CCL19: variants seen among roughly 807,000 people sequenced by gnomAD.
CCL19 encodes C-C motif chemokine 19.
A neutral mutation model predicts 9.7 loss-of-function variants in CCL19; 5 were observed. The observed-to-expected ratio is 0.51, with a 90% CI of 0.27 to 1.08. The LOEUF (loss-of-function observed/expected upper bound fraction) is 1.08. CCL19 is among the 50% of genes least tolerant of loss of function. CCL19 has a pLI of 0.12. For missense variants in CCL19, 90 were observed against 122.5 expected, an observed-to-expected ratio of 0.73 and a Z score of 1.25; for synonymous variants, 40 against 47.4, an observed-to-expected ratio of 0.84 and a Z score of 0.64.
Position 34,689,844 on chromosome 9 carries a change from AGGAG to A in CCL19, c.277-9_277-6del. The A allele has an allele frequency of 6.2e-7, 1 of 1,614,098 alleles. No homozygotes were observed. The highest frequency in any genetic ancestry group is 8.5e-7 in the Non-Finnish European group (1 of 1,180,008). ...TTAACTGCTGCGGCGCTTCATCTAG[AGGAG>A]GAAGGAGAGGAAGGATCATGGGCTG... On this transcript the variant is annotated splice_polypyrimidine_tract_variant and splice_region_variant and intron_variant, in intron 3 of 3. Coordinates refer to ENST00000311925, the MANE Select transcript of CCL19 (RefSeq NM_006274.3). The surrounding 1 kb of genome is among the most constrained non-coding windows in gnomAD (Gnocchi z 4.1).
At chr9:34,690,518 C>A (rs1396404179) in intron 1 of CCL19, among the ~76,000 whole-genome samples, 176 bp from the exon 2 acceptor site, 3 of 149,824 alleles carry the variant, frequency 2.0e-5, no homozygotes, top group African/African-American at 7.4e-5. Context: ...CATTATGCAC[C>A]AATATGGCTC....
Position 34,689,867 on chromosome 9 carries a change from T to G in CCL19, c.277-28A>C. 1 of 1,614,106 alleles carries G rather than the reference T, an allele frequency of 6.2e-7. No homozygotes were observed. The highest frequency in any genetic ancestry group is 1.1e-5 in the South Asian group (1 of 91,082). ...AGAGGAGGAAGGAGAGGAAGGATCA[T>G]GGGCTGGAATCTTAGACAGGAGCTC... On this transcript the variant is annotated intron_variant, in intron 3 of 3. Transcript: ENST00000311925. This position sits in a 1 kb window ranked among gnomAD's most constrained non-coding sequence, Gnocchi z 4.1.
At position 34,691,214 on chromosome 9, in the gene CCL19, G is replaced by A; in HGVS notation, c.-75C>T. The A allele has an allele frequency of 1.5e-6, 2 of 1,349,620 alleles. No individual in the cohort carries two copies. The highest frequency in any genetic ancestry group is 2.1e-6 in the Non-Finnish European group (2 of 953,618). The allele number at this position is 1,349,620 out of a possible 1,614,324, so 83.6% of individuals were successfully genotyped here. A position where few individuals can be genotyped will look rare whatever the true frequency, so the allele number is the denominator to read the frequency against. On this transcript the variant is annotated 5_prime_UTR_variant, in exon 1 of 4. Transcript: ENST00000311925. Reference sequence around the variant, plus strand: ...CTGGGTGTGTGCAGGATCTGTGTGAGGCTGCAGGGCGACTGGGATGCAGGG... The same window carrying A: ...CTGGGTGTGTGCAGGATCTGTGTGAAGCTGCAGGGCGACTGGGATGCAGGG...
chr9:34,691,245 A>C lies in CCL19; in HGVS notation c.-106T>G, dbSNP rs1821789266. 1 of 924,034 alleles carries C rather than the reference A, an allele frequency of 1.1e-6. No homozygotes were observed. Among genetic ancestry groups the C allele is most frequent in the South Asian group, 1.5e-5 (1 of 64,798 alleles). The allele number at this position is 924,034 out of a possible 1,614,324, so 57.2% of individuals were successfully genotyped here. ...AGGGCGACTGGGATGCAGGGGTGAA[A>C]TGCAAGGTGTGAGTGATGTGAGGCT... On this transcript the variant is annotated 5_prime_UTR_variant, in exon 1 of 4. Coordinates refer to ENST00000311925, the MANE Select transcript of CCL19 (RefSeq NM_006274.3).
In CCL19 at chr9:34,689,880, T is replaced by G; in HGVS notation, c.277-41A>C. ...GAGGAAGGATCATGGGCTGGAATCT[T>G]AGACAGGAGCTCAGAGGGAGGAGAC... On this transcript the variant is annotated intron_variant, in intron 3 of 3. Coordinates refer to ENST00000311925, the MANE Select transcript of CCL19 (RefSeq NM_006274.3). This position sits in a 1 kb window ranked among gnomAD's most constrained non-coding sequence, Gnocchi z 4.1. 6.2e-7 allele frequency: 1 copy of G among 1,614,168 alleles called. No homozygotes were observed. Among genetic ancestry groups the G allele is most frequent in the Non-Finnish European group, 8.5e-7 (1 of 1,180,024 alleles).
chr9:34,689,649 C>G lies in CCL19; in HGVS notation c.*170G>C. The G allele has an allele frequency of 1.4e-6, 1 of 726,128 alleles. No homozygotes were observed. Among genetic ancestry groups the G allele is most frequent in the Non-Finnish European group, 2.4e-6 (1 of 423,794 alleles). 45.0% of individuals were successfully genotyped at this position (726,128 alleles called of 1,614,324 possible). ...CAGCTTTACTCTGACCACACTCACC[C>G]TCTCGCTCACACTCACACTCACACA... On this transcript the variant is annotated 3_prime_UTR_variant, in exon 4 of 4. Coordinates refer to ENST00000311925, the MANE Select transcript of CCL19 (RefSeq NM_006274.3). This position sits in a 1 kb window ranked among gnomAD's most constrained non-coding sequence, Gnocchi z 4.1.
Position 34,690,005 on chromosome 9 carries a change from G to T in CCL19, c.201C>A (p.Gly67=). 2 of 1,614,072 alleles carry T rather than the reference G, an allele frequency of 1.2e-6. No individual in the cohort carries two copies. The highest frequency in any genetic ancestry group is 8.5e-7 in the Non-Finnish European group (1 of 1,179,994). The part of the protein sequence containing the change: ...VPAVVFTTLR[G]RQLCAPPDQP... ...GGTCTGGGGGTGCACAGAGCTGGCG[G>T]CCCCTCAGTGTGGTGAACCTGGGGT... Residue 67 remains glycine, a synonymous_variant, in exon 3 of 4, where the codon GGC becomes GGA. Coordinates refer to ENST00000311925, the MANE Select transcript of CCL19 (RefSeq NM_006274.3).
In CCL19 at chr9:34,689,749, G is replaced by T. The variant is rs989940230; in HGVS notation, c.*70C>A. On this transcript the variant is annotated 3_prime_UTR_variant, in exon 4 of 4. Coordinates refer to ENST00000311925, the MANE Select transcript of CCL19 (RefSeq NM_006274.3). This position sits in a 1 kb window ranked among gnomAD's most constrained non-coding sequence, Gnocchi z 4.1. Reference sequence around the variant, plus strand: ...AGCCTGGTCCTTCCTTCTGGTCCTCGGTTCCCCAGGTTAGGTAATAATTCA... The same window carrying T: ...AGCCTGGTCCTTCCTTCTGGTCCTCTGTTCCCCAGGTTAGGTAATAATTCA... 1.9e-6 allele frequency: 3 copies of T among 1,584,096 alleles called. No homozygotes were observed. The African/African-American group carries it at 4.0e-5, about 21-fold the overall frequency.
intron 1 of CCL19, 82 bp from the exon 2 acceptor site, chr9:34,690,424 C>CTA: frequency 1.6e-6 from 1 of 607,090 alleles, no homozygotes; most frequent in Non-Finnish European, 2.7e-6. Context: ...TTGAGGACAC[C>CTA]TGTGTGTGTG....
chr9:34,690,994 A>T, intron 1 of CCL19, 97 bp downstream of exon 1: 2 of 1,092,092 alleles, frequency 1.8e-6, no homozygotes, highest in South Asian at 3.0e-5. Context: ...TGAACTCACC[A>T]TGTCCCTTAC....
intron 2 of CCL19, 46 bp downstream of exon 2, chr9:34,690,164 G>A: frequency 6.2e-7 from 1 of 1,610,152 alleles, no homozygotes; most frequent in Non-Finnish European, 8.5e-7. Flanking sequence ...AGTCTCAACA[G>A]GGGCTAAAAC....
chr9:34,690,980 T>C, intron 1 of CCL19, 111 bp downstream of exon 1: 7 of 935,036 alleles, frequency 7.5e-6, no homozygotes, highest in Non-Finnish European at 1.1e-5. Flanking sequence ...CCTAAGCATT[T>C]GCCTGAACTC....
Position 34,689,618 on chromosome 9 carries a change from G to A in CCL19, c.*201C>T. The A allele has an allele frequency of 1.7e-6, 1 of 596,810 alleles. No individual in the cohort carries two copies. Among genetic ancestry groups the A allele is most frequent in the Non-Finnish European group, 3.0e-6 (1 of 336,790 alleles). The allele number at this position is 596,810 out of a possible 1,614,324, so 37.0% of individuals were successfully genotyped here. A position where few individuals can be genotyped will look rare whatever the true frequency, so the allele number is the denominator to read the frequency against. Reference sequence around the variant, plus strand: ...TTATTGGTAGCATTGCAATCTGGGGGTGGAGCAGCTTTACTCTGACCACAC... The same window carrying A: ...TTATTGGTAGCATTGCAATCTGGGGATGGAGCAGCTTTACTCTGACCACAC... On this transcript the variant is annotated 3_prime_UTR_variant, in exon 4 of 4. Transcript: ENST00000311925. This position sits in a 1 kb window ranked among gnomAD's most constrained non-coding sequence, Gnocchi z 4.1.
In CCL19 at chr9:34,691,218, G is replaced by T; in HGVS notation, c.-79C>A. ...GTGTGTGCAGGATCTGTGTGAGGCT[G>T]CAGGGCGACTGGGATGCAGGGGTGA... On this transcript the variant is annotated 5_prime_UTR_variant, in exon 1 of 4. Coordinates refer to ENST00000311925, the MANE Select transcript of CCL19 (RefSeq NM_006274.3). The T allele has an allele frequency of 7.5e-7, 1 of 1,329,504 alleles. No homozygotes were observed. The highest frequency in any genetic ancestry group is 1.1e-6 in the Non-Finnish European group (1 of 937,758). 82.4% of individuals were successfully genotyped at this position (1,329,504 alleles called of 1,614,324 possible). A position where few individuals can be genotyped will look rare whatever the true frequency, so the allele number is the denominator to read the frequency against.
Position 34,690,362 on chromosome 9 carries a change from T to C in CCL19, c.50-20A>G, listed in dbSNP as rs1587263749. The C allele has an allele frequency of 6.2e-7, 1 of 1,610,340 alleles. No homozygotes were observed. Among genetic ancestry groups the C allele is most frequent in the African/African-American group, 1.4e-5 (1 of 74,046 alleles). The stretch of plus-strand genomic sequence containing the variant: ...TTGGGGCTGGGATGGGGAAAGAAGG[T>C]GACAGGACACAGGGACCCTTGAGGG... On this transcript the variant is annotated intron_variant, in intron 1 of 3. Transcript: ENST00000311925.
Position 34,690,204 on chromosome 9 carries a change from A to G in CCL19, c.182+6T>C. The stretch of plus-strand genomic sequence containing the variant: ...GATGAGGCTAGACACCCTCCCCACA[A>G]CTCACACTACAGCAGGCACCCTGCA... On this transcript the variant is annotated splice_donor_region_variant and intron_variant, in intron 2 of 3. Transcript: ENST00000311925. The G allele has an allele frequency of 2.5e-6, 4 of 1,614,058 alleles. No homozygotes were observed. The highest frequency in any genetic ancestry group is 3.4e-6 in the Non-Finnish European group (4 of 1,179,976).
chr9:34,691,180 G>T lies in CCL19; in HGVS notation c.-41C>A. On this transcript the variant is annotated 5_prime_UTR_variant, in exon 1 of 4. Transcript: ENST00000311925. ...GCAGGCCAACGGTGAATGTGTGAGC[G>T]CCAGCTGTCTGGGTGTGTGCAGGAT... is the stretch of plus-strand genomic sequence containing the variant. 6.3e-7 allele frequency: 1 copy of T among 1,596,226 alleles called. No individual in the cohort carries two copies. The highest frequency in any genetic ancestry group is 1.3e-5 in the African/African-American group (1 of 74,678).
At position 34,691,225 on chromosome 9, in the gene CCL19, G is replaced by A. The variant is rs115247090; in HGVS notation, c.-86C>T. ...CAGGATCTGTGTGAGGCTGCAGGGC[G>A]ACTGGGATGCAGGGGTGAAATGCAA... On this transcript the variant is annotated 5_prime_UTR_variant, in exon 1 of 4. Transcript: ENST00000311925. The A allele has an allele frequency of 7.3e-4, 883 of 1,215,116 alleles. 4 individuals are homozygous for A. In the African/African-American group the frequency reaches 0.012, roughly 16 times the overall value. The allele number at this position is 1,215,116 out of a possible 1,614,324, so 75.3% of individuals were successfully genotyped here. A position where few individuals can be genotyped will look rare whatever the true frequency, so the allele number is the denominator to read the frequency against.
In CCL19 at chr9:34,691,150, C is replaced by G. The variant is rs186745207; in HGVS notation, c.-11G>C. ...CAGTAGCAGGGCCATGGAGGGTGAA[C>G]AGAGGCAGGCCAACGGTGAATGTGT... On this transcript the variant is annotated 5_prime_UTR_variant, in exon 1 of 4. Coordinates refer to ENST00000311925, the MANE Select transcript of CCL19 (RefSeq NM_006274.3). The G allele has an allele frequency of 2.6e-3, 4,159 of 1,613,138 alleles. 10 individuals carry two copies. The highest frequency in any genetic ancestry group is 3.3e-3 in the Non-Finnish European group (3,871 of 1,179,614).
Sources: allele counts gnomAD v4.1 joint callset (sites outside exome capture counted in the v4.1 genomes callset), GRCh38; gene constraint gnomAD v4.1.1; non-coding constraint Gnocchi (gnomAD v3.1); transcripts MANE v1.5; gene names NCBI Gene and HGNC (gene_info 2026-07-23, HGNC 2026-07-21).